The following ENDOV variants were observed in gnomAD, a reference collection of about 807,000 sequenced individuals.
ENDOV encodes the protein endonuclease V, also known as hEndoV.
Under a neutral mutation model 39.4 loss-of-function variants are expected in ENDOV, and 37 were observed. The ratio of observed to expected loss-of-function variants is 0.94; its 90% CI spans 0.72 to 1.23. The LOEUF (loss-of-function observed/expected upper bound fraction) is 1.23, where lower values mean the gene tolerates loss of function less well. Among genes scored for constraint, ENDOV ranks in the 50% most tolerant of loss-of-function variants. ENDOV has a pLI of 0.00. For missense variants in ENDOV, 441 were observed against 375.7 expected (o/e 1.17, Z -1.44); for synonymous variants, 186 against 163.4 (o/e 1.14, Z -1.05).
chr17:80,427,936 C>A, intron 7 of ENDOV: 1 of 1,161,636 alleles, frequency 8.6e-7, no homozygotes, highest in Non-Finnish European at 1.1e-6. Flanking sequence ...CCGTTGCTTT[C>A]CATGAGTCGT....
chr17:80,429,056 G>A (rs970686355), intron 8 of ENDOV, among the ~76,000 whole-genome samples: 1 of 152,198 alleles, frequency 6.6e-6, no homozygotes, highest in African/African-American at 2.4e-5. Flanking sequence ...CAGCTGTGGC[G>A]TTTGCACTCT....
intron 2 of ENDOV, 89 bp from the exon 3 acceptor site, chr17:80,421,739 A>C: frequency 1.3e-6 from 2 of 1,491,430 alleles, no homozygotes; most frequent in African/African-American, 2.8e-5. Flanking sequence ...GGGAGAGGGA[A>C]GGATGAGGGG....
At chr17:80,416,846 C>G (rs8076103) in intron 2 of ENDOV, 77,266 of 151,448 alleles carry the variant, frequency 0.51, 20,591 homozygotes, top group Non-Finnish European at 0.59. Flanking sequence ...TGATCTCAAC[C>G]TCCTGGACTC....
intron 4 of ENDOV, 95 bp from the exon 5 acceptor site, chr17:80,423,425 C>T: frequency 8.1e-7 from 1 of 1,233,554 alleles, no homozygotes; most frequent in South Asian, 1.5e-5. Flanking sequence ...CCTCTGCTCA[C>T]TTAGGGAAGC....
chr17:80,427,146 G>C (rs930757057), intron 7 of ENDOV, among the ~76,000 whole-genome samples: 6 of 152,258 alleles, frequency 3.9e-5, no homozygotes, highest in African/African-American at 1.4e-4. Context: ...CCACAGCCTT[G>C]CAGGGCTTTG....
At chr17:80,421,713 C>T (rs753230311) in intron 2 of ENDOV, 115 bp from the exon 3 acceptor site, 36 of 1,353,558 alleles carry the variant, frequency 2.7e-5, no homozygotes, top group Non-Finnish European at 3.5e-5. Context: ...GAAGGGGAGC[C>T]ATGAGGGTGA....
intron 2 of ENDOV, among the ~76,000 whole-genome samples, chr17:80,421,602 C>T (rs1418350815): frequency 6.6e-6 from 1 of 151,472 alleles, no homozygotes; most frequent in East Asian, 1.9e-4. Flanking sequence ...GGGGGGTCTG[C>T]TCCTATGGAC....
chr17:80,420,979 A>T (rs537608352), intron 2 of ENDOV, among the ~76,000 whole-genome samples: 6 of 151,914 alleles, frequency 3.9e-5, no homozygotes, highest in Non-Finnish European at 7.4e-5. Flanking sequence ...CCTGGCCAAC[A>T]CTGTGTCTTC....
At chr17:80,425,198 GC>G in intron 6 of ENDOV, 98 bp downstream of exon 6, 1 of 1,084,104 alleles carries the variant, frequency 9.2e-7, no homozygotes, top group South Asian at 1.5e-5. Context: ...ACTCACACTT[GC>G]CCACATCAAC....
chr17:80,420,926 T>C (rs1226878500), intron 2 of ENDOV, among the ~76,000 whole-genome samples: 4 of 152,166 alleles, frequency 2.6e-5, no homozygotes, highest in Non-Finnish European at 5.9e-5. Flanking sequence ...ATCGTCCGCC[T>C]CGGCCTCCCA....
chr17:80,433,078 C>T (rs572476637), intron 9 of ENDOV: 7 of 519,616 alleles, frequency 1.3e-5, no homozygotes, highest in South Asian at 2.8e-5. Context: ...CACAGAATGC[C>T]CTCCTGACTT....
intron 2 of ENDOV, chr17:80,418,872 C>G (rs1041365423): frequency 1.3e-5 from 2 of 152,008 alleles, no homozygotes; most frequent in Non-Finnish European, 2.9e-5. Context: ...CTCAGTAAAC[C>G]TGTTAGGAAA....
chr17:80,426,087 A>G (rs1338756142), intron 7 of ENDOV, among the ~76,000 whole-genome samples: 11 of 152,184 alleles, frequency 7.2e-5, no homozygotes, highest in Non-Finnish European at 1.5e-4. Context: ...GACCCAGCAC[A>G]AAACTGGTGT....
intron 7 of ENDOV, among the ~76,000 whole-genome samples, chr17:80,428,060 C>T (rs1480908601): frequency 1.3e-5 from 2 of 152,224 alleles, no homozygotes; most frequent in Non-Finnish European, 2.9e-5. Context: ...GTTCAGTGTC[C>T]CTCCCTGCTA....
intron 2 of ENDOV, among the ~76,000 whole-genome samples, chr17:80,419,145 C>G (rs2081599162): frequency 6.8e-6 from 1 of 147,434 alleles, no homozygotes; most frequent in Admixed American, 6.8e-5. Context: ...TGCACTCCAG[C>G]CTGAGCAACA....
intron 5 of ENDOV, chr17:80,424,241 G>A (rs1206421804): frequency 5.0e-6 from 2 of 399,284 alleles, no homozygotes; most frequent in Middle Eastern, 6.3e-4. Context: ...TAGCTCTCAG[G>A]TGCCTGCATG....
intron 7 of ENDOV, chr17:80,427,820 G>C: frequency 7.8e-7 from 1 of 1,287,406 alleles, no homozygotes; most frequent in Non-Finnish European, 1.0e-6. Context: ...AGGCTCTCCT[G>C]CCAGGCCAGG....
In ENDOV at chr17:80,421,816, G is replaced by T; in HGVS notation, c.229-12G>T. Reference sequence around the variant, plus strand: ...GGCTGTGCTTCCCACTGAGCTGCGTGCCTGGTGTCAGGTGGTGTATGAGGA... The same window carrying T: ...GGCTGTGCTTCCCACTGAGCTGCGTTCCTGGTGTCAGGTGGTGTATGAGGA... On this transcript the variant is annotated splice_polypyrimidine_tract_variant and intron_variant, in intron 2 of 9. Transcript: ENST00000518137. The T allele has an allele frequency of 1.3e-6, 2 of 1,590,148 alleles. No individual in the cohort carries two copies. Among genetic ancestry groups the T allele is most frequent in the Non-Finnish European group, 8.6e-7 (1 of 1,169,076 alleles).
intron 4 of ENDOV, among the ~76,000 whole-genome samples, chr17:80,423,158 CAT>C (rs1422788789): frequency 6.6e-6 from 1 of 152,354 alleles, no homozygotes; most frequent in East Asian, 1.9e-4. Context: ...AAAGGGTTGT[CAT>C]GTGCCGACCC....
Sources: gnomAD v4.1 joint callset for allele counts (sites outside exome capture counted in the v4.1 genomes callset) on GRCh38, gnomAD v4.1.1 for gene constraint, MANE v1.5 for transcripts, NCBI Gene and HGNC (gene_info 2026-07-23, HGNC 2026-07-21) for gene names.